ABI2: variants seen among roughly 807,000 people sequenced by gnomAD.
ABI2 encodes abl interactor 2.
A neutral mutation model predicts 59.2 loss-of-function variants in ABI2; 25 were observed. That is an observed-to-expected ratio of 0.42 (90% CI 0.31 to 0.59). The LOEUF (loss-of-function observed/expected upper bound fraction) is 0.59, where lower values mean the gene tolerates loss of function less well. Ranked by LOEUF, ABI2 falls within the 20% of genes least tolerant of loss-of-function variation. The pLI, the probability that ABI2 is intolerant of heterozygous loss-of-function variation, is 0.14. For missense variants in ABI2, 545 were observed against 681.8 expected (o/e 0.80, Z 2.23); for synonymous variants, 213 against 235.5 (o/e 0.90, Z 0.87).
chr2:203,406,444 T>G (rs1420249643), intron 9 of ABI2, among the ~76,000 whole-genome samples: 1 of 152,172 alleles, frequency 6.6e-6, no homozygotes, highest in African/African-American at 2.4e-5. Flanking sequence ...GTATGCTGTT[T>G]CACAAAGAGA....
At chr2:203,386,430 G>GTTTTTTTTTTTT (rs71007512) in intron 4 of ABI2, 5 of 63,890 alleles carry the variant, frequency 7.8e-5, no homozygotes, top group African/African-American at 3.5e-4. Flanking sequence ...ACTCCTGGCT[G>GTTTTTTTTTTTT]TTTTTTTTTT....
At chr2:203,417,128 T>C (rs2097923903) in intron 11 of ABI2, 47 bp downstream of exon 11, 2 of 1,479,018 alleles carry the variant, frequency 1.4e-6, no homozygotes, top group African/African-American at 1.4e-5. Context: ...AACCTCTACA[T>C]AGAAATGAAA....
At chr2:203,384,397 C>T (rs1465259813) in intron 4 of ABI2, among the ~76,000 whole-genome samples, 1 of 149,002 alleles carries the variant, frequency 6.7e-6, no homozygotes, top group African/African-American at 2.5e-5. Flanking sequence ...GCTTTGACTG[C>T]CCTGACTCAA....
chr2:203,370,082 C>T (rs1196442910), intron 2 of ABI2, among the ~76,000 whole-genome samples: 1 of 151,900 alleles, frequency 6.6e-6, no homozygotes, highest in Non-Finnish European at 1.5e-5. Flanking sequence ...GGTTGGCAAA[C>T]TTTTCTTAAA....
intron 9 of ABI2, among the ~76,000 whole-genome samples, chr2:203,410,482 T>A (rs1396746350): frequency 6.6e-6 from 1 of 152,214 alleles, no homozygotes; most frequent in African/African-American, 2.4e-5. Flanking sequence ...ATGTTAAACA[T>A]CTGTTGACAG....
rs890403892 is a variant in ABI2, at chr2:203,391,223, T to C, written c.578+80T>C. Reference sequence around the variant, plus strand: ...AAGCACAACATATTTAAATTATTTTTTGAATATTTGAAGAGAGAACATTTT... The same window carrying C: ...AAGCACAACATATTTAAATTATTTTCTGAATATTTGAAGAGAGAACATTTT... On this transcript the variant is annotated intron_variant, in intron 5 of 11. Transcript: ENST00000261018. 4.0e-6 allele frequency: 4 copies of C among 992,476 alleles called. No individual in the cohort carries two copies. In the African/African-American group the frequency reaches 5.0e-5, roughly 13 times the overall value. 61.5% of individuals were successfully genotyped at this position (992,476 alleles called of 1,614,324 possible).
At chr2:203,352,055 T>C (rs1202927299) in intron 1 of ABI2, among the ~76,000 whole-genome samples, 1 of 152,182 alleles carries the variant, frequency 6.6e-6, no homozygotes, top group East Asian at 1.9e-4. Flanking sequence ...CTAGTCGTTA[T>C]AGAAGAGCAA....
intron 2 of ABI2, 139 bp downstream of exon 2, chr2:203,367,183 T>G: frequency 8.4e-7 from 1 of 1,191,802 alleles, no homozygotes; most frequent in Non-Finnish European, 1.1e-6. Flanking sequence ...TATTAGGTTG[T>G]TTTTAGATTC....
At chr2:203,416,848 A>G (rs1218034056) in intron 10 of ABI2, 60 bp from the exon 11 acceptor site, 7 of 1,468,140 alleles carry the variant, frequency 4.8e-6, no homozygotes, top group African/African-American at 1.4e-5. Context: ...AGAAGCTTGG[A>G]TAGGAAATAC....
At chr2:203,355,381 G>T in intron 1 of ABI2, 1 of 202,798 alleles carries the variant, frequency 4.9e-6, no homozygotes, top group Non-Finnish European at 1.1e-5. Context: ...GCGTGGTGGT[G>T]CGTGCTTCTA....
intron 11 of ABI2, among the ~76,000 whole-genome samples, chr2:203,424,094 C>T (rs377174081): frequency 1.3e-5 from 2 of 152,262 alleles, no homozygotes; most frequent in African/African-American, 4.8e-5. Context: ...GATATACATG[C>T]ATAATTGGAA....
intron 4 of ABI2, among the ~76,000 whole-genome samples, chr2:203,389,483 C>T (rs2096657418): frequency 6.6e-6 from 1 of 152,070 alleles, no homozygotes; most frequent in Non-Finnish European, 1.5e-5. Context: ...TCCACTTAAG[C>T]CAGGGTTGGT....
chr2:203,422,971 C>T (rs1317453553), intron 11 of ABI2, among the ~76,000 whole-genome samples: 2 of 152,156 alleles, frequency 1.3e-5, no homozygotes, highest in African/African-American at 4.8e-5. Flanking sequence ...GATGTCAACT[C>T]ACAATATGTA....
chr2:203,341,048 C>G (rs1360301296), intron 1 of ABI2, among the ~76,000 whole-genome samples: 1 of 152,172 alleles, frequency 6.6e-6, no homozygotes, highest in South Asian at 2.1e-4. Context: ...GTACTCTACT[C>G]CAAGATAGTT....
intron 9 of ABI2, among the ~76,000 whole-genome samples, chr2:203,409,598 G>T (rs2097572738): frequency 6.6e-6 from 1 of 152,136 alleles, no homozygotes; most frequent in South Asian, 2.1e-4. Context: ...CCTTCAGCTT[G>T]TTGCTGTCCT....
chr2:203,381,959 A>G (rs2096159391), intron 3 of ABI2, among the ~76,000 whole-genome samples: 1 of 152,212 alleles, frequency 6.6e-6, no homozygotes, highest in African/African-American at 2.4e-5. Context: ...TCTTTAATAC[A>G]GTTAAATTGT....
chr2:203,375,276 A>G (rs2095604873), intron 2 of ABI2, among the ~76,000 whole-genome samples: 1 of 152,220 alleles, frequency 6.6e-6, no homozygotes, highest in African/African-American at 2.4e-5. Flanking sequence ...GTAGCAAACA[A>G]TAATTATATT....
chr2:203,411,265 C>G lies in ABI2; in HGVS notation c.1193-20C>G, dbSNP rs1260546528. ...ACTCGCCCTTATCCCTTATCCTCCA[C>G]ACCTTTTTTGTTTTTGCAGTATCTC... is the stretch of plus-strand genomic sequence containing the variant. On this transcript the variant is annotated intron_variant, in intron 9 of 11. Coordinates refer to ENST00000261018, the MANE Select transcript of ABI2 (RefSeq NM_001375670.1). 6.3e-7 allele frequency: 1 copy of G among 1,592,358 alleles called. No homozygotes were observed. The highest frequency in any genetic ancestry group is 1.1e-5 in the South Asian group (1 of 90,612).
At chr2:203,337,878 A>G (rs751091241) in intron 1 of ABI2, among the ~76,000 whole-genome samples, 1 of 152,194 alleles carries the variant, frequency 6.6e-6, no homozygotes, top group African/African-American at 2.4e-5. Context: ...TAAAAATACA[A>G]AAATTATAGG....
Sources: allele counts gnomAD v4.1 joint callset (sites outside exome capture counted in the v4.1 genomes callset), GRCh38; gene constraint gnomAD v4.1.1; transcripts MANE v1.5; gene names NCBI Gene and HGNC (gene_info 2026-07-23, HGNC 2026-07-21).